Variants in RSRC1 observed in about 807,000 individuals in gnomAD.
The protein encoded by RSRC1 is arginine and serine rich coiled-coil 1, also known as serine/Arginine-related protein 53.
In RSRC1, 39 loss-of-function variants were observed where a neutral mutation model predicts 49.1. The ratio of observed to expected loss-of-function variants is 0.79; its 90% CI spans 0.61 to 1.04. The LOEUF is 1.04. Ranked by LOEUF, RSRC1 falls within the 50% of genes least tolerant of loss-of-function variation. The probability of loss-of-function intolerance (pLI) is 0.00; values close to 1 mark genes in which losing one functional copy is unlikely to be tolerated. For synonymous variants in RSRC1, 143 were observed against 130.8 expected (o/e 1.09, Z -0.63); for missense variants, 388 against 402.4 (o/e 0.96, Z 0.31).
At chr3:158,147,888 T>G (rs915390149) in intron 3 of RSRC1, among the ~76,000 whole-genome samples, 1 of 152,194 alleles carries the variant, frequency 6.6e-6, no homozygotes, top group African/African-American at 2.4e-5. Flanking sequence ...GGACTTTTTT[T>G]AAACTCTATA....
chr3:158,219,312 T>G (rs940592364), intron 4 of RSRC1, among the ~76,000 whole-genome samples: 1 of 151,492 alleles, frequency 6.6e-6, no homozygotes, highest in African/African-American at 2.4e-5. Context: ...TCTTTCATTC[T>G]CCTCCTCTTT....
intron 5 of RSRC1, among the ~76,000 whole-genome samples, chr3:158,302,020 G>T (rs1171666603): frequency 2.8e-5 from 4 of 145,150 alleles, no homozygotes; most frequent in Admixed American, 2.1e-4. Context: ...GTTAAACTGT[G>T]TGTGTGTATG....
At chr3:158,475,635 G>A (rs1466469065) in intron 7 of RSRC1, among the ~76,000 whole-genome samples, 4 of 152,072 alleles carry the variant, frequency 2.6e-5, no homozygotes, top group Non-Finnish European at 5.9e-5. Flanking sequence ...TTGATTTGGG[G>A]CATGATGAAC....
chr3:158,506,562 A>G (rs1298930584), intron 7 of RSRC1, among the ~76,000 whole-genome samples: 4 of 152,054 alleles, frequency 2.6e-5, no homozygotes, highest in African/African-American at 9.7e-5. Context: ...GGCCAACAGT[A>G]TATGAAAAAA....
chr3:158,306,477 A>G (rs981847497), intron 5 of RSRC1, among the ~76,000 whole-genome samples: 1 of 151,914 alleles, frequency 6.6e-6, no homozygotes, highest in Non-Finnish European at 1.5e-5. Flanking sequence ...AGGAGCACGT[A>G]ATTTGTCTTT....
At chr3:158,442,658 C>G (rs1278729396) in intron 6 of RSRC1, among the ~76,000 whole-genome samples, 1 of 152,066 alleles carries the variant, frequency 6.6e-6, no homozygotes, top group Non-Finnish European at 1.5e-5. Context: ...TGACCTCCTC[C>G]CAGGAATCAC....
intron 6 of RSRC1, among the ~76,000 whole-genome samples, chr3:158,428,256 A>C (rs1735572803): frequency 6.6e-6 from 1 of 151,820 alleles, no homozygotes; most frequent in South Asian, 2.1e-4. Flanking sequence ...AAACACCACC[A>C]TTATACAGAT....
chr3:158,116,836 T>C (rs1714861962), intron 1 of RSRC1, among the ~76,000 whole-genome samples: 1 of 152,146 alleles, frequency 6.6e-6, no homozygotes, highest in Non-Finnish European at 1.5e-5. Flanking sequence ...ATTTTTTTTT[T>C]CTTGTTTATT....
chr3:158,152,656 G>A (rs761739156), intron 3 of RSRC1, among the ~76,000 whole-genome samples: 1 of 152,166 alleles, frequency 6.6e-6, no homozygotes, highest in Non-Finnish European at 1.5e-5. Context: ...AATGTTTCCA[G>A]TTCGTGTCTG....
intron 6 of RSRC1, among the ~76,000 whole-genome samples, chr3:158,402,441 A>G (rs1733940519): frequency 6.6e-6 from 1 of 151,862 alleles, no homozygotes; most frequent in South Asian, 2.1e-4. Flanking sequence ...AGGCAAGTAT[A>G]TCTTTAAAAT....
At chr3:158,459,732 T>C (rs1161879262) in intron 6 of RSRC1, among the ~76,000 whole-genome samples, 2 of 152,040 alleles carry the variant, frequency 1.3e-5, no homozygotes, top group African/African-American at 4.8e-5. Context: ...CATAAAAGTT[T>C]TAATATTTCA....
In RSRC1 at chr3:158,518,116, G is replaced by A. The variant is rs1452743443; in HGVS notation, c.653-18976G>A. Reference sequence around the variant, plus strand: ...CGTGCGTGTGTGTGTGTGTGTGTGTGTGTGTGTGTGTATATATATATATAT... The same window carrying A: ...CGTGCGTGTGTGTGTGTGTGTGTGTATGTGTGTGTGTATATATATATATAT... On this transcript the variant is annotated intron_variant, in intron 7 of 9. Transcript: ENST00000611884. 3.5e-3 allele frequency among the ~76,000 whole-genome samples: 285 copies of A among 80,322 alleles called. 5 individuals carry two copies. Among genetic ancestry groups the A allele is most frequent in the African/African-American group, 0.019 (271 of 14,506 alleles). The allele number at this position is 80,322 out of a possible 152,430, so 52.7% of individuals were successfully genotyped here.
At chr3:158,182,361 TA>T (rs1343265818) in intron 3 of RSRC1, among the ~76,000 whole-genome samples, 2 of 152,210 alleles carry the variant, frequency 1.3e-5, no homozygotes, top group Non-Finnish European at 2.9e-5. Context: ...ATTTTACAAA[TA>T]CTTTTTCTTA....
At chr3:158,268,673 T>G (rs925928938) in intron 4 of RSRC1, among the ~76,000 whole-genome samples, 6 of 152,196 alleles carry the variant, frequency 3.9e-5, no homozygotes, top group African/African-American at 1.4e-4. Flanking sequence ...CATAAATACA[T>G]TTTTTACCAT....
intron 5 of RSRC1, among the ~76,000 whole-genome samples, chr3:158,341,681 G>C (rs921608429): frequency 2.0e-5 from 3 of 152,184 alleles, no homozygotes; most frequent in African/African-American, 4.8e-5. Flanking sequence ...AGAGTCCCTA[G>C]TGGGGTGCTG....
chr3:158,289,139 G>A (rs913094223), intron 4 of RSRC1, among the ~76,000 whole-genome samples: 1 of 151,970 alleles, frequency 6.6e-6, no homozygotes. Flanking sequence ...ATGTCTAAAA[G>A]ACCTCTTTTA....
chr3:158,254,088 C>A (rs1724389708), intron 4 of RSRC1, among the ~76,000 whole-genome samples: 1 of 152,194 alleles, frequency 6.6e-6, no homozygotes, highest in Non-Finnish European at 1.5e-5. Context: ...CTGCAAAGGA[C>A]ATGAACTCAT....
At chr3:158,119,540 A>T (rs889465859) in intron 1 of RSRC1, among the ~76,000 whole-genome samples, 5 of 152,170 alleles carry the variant, frequency 3.3e-5, no homozygotes, top group Admixed American at 1.3e-4. Context: ...AAAAACAAGA[A>T]AGGAATTAAA....
intron 4 of RSRC1, among the ~76,000 whole-genome samples, chr3:158,290,325 T>G (rs1356407409): frequency 1.3e-5 from 2 of 150,314 alleles, no homozygotes; most frequent in Non-Finnish European, 2.9e-5. Context: ...CAGGCTGGAG[T>G]GCAGTGGCGC....
Sources: allele counts gnomAD v4.1 joint callset (sites outside exome capture counted in the v4.1 genomes callset), GRCh38; gene constraint gnomAD v4.1.1; transcripts MANE v1.5; gene names NCBI Gene and HGNC (gene_info 2026-07-23, HGNC 2026-07-21).